Variants in CUBN observed in about 807,000 individuals in gnomAD.
CUBN encodes cubilin.
A neutral mutation model predicts 405.3 loss-of-function variants in CUBN; 282 were observed. The ratio of observed to expected loss-of-function variants is 0.70; its 90% CI spans 0.63 to 0.77. The LOEUF is 0.77. CUBN is among the 30% of genes least tolerant of loss of function. The pLI is 0.00. For missense variants in CUBN, 4,514 were observed against 4,475.2 expected (o/e 1.01, Z -0.25); for synonymous variants, 1,684 against 1,617.0 (o/e 1.04, Z -0.99).
At chr10:17,079,221 C>G (rs573312656) in intron 17 of CUBN, among the ~76,000 whole-genome samples, 6 of 144,636 alleles carry the variant, frequency 4.1e-5, no homozygotes, top group Non-Finnish European at 7.5e-5. Context: ...CCAATATGCT[C>G]AAGAATGCAA....
chr10:16,977,039 T>C (rs188068296), intron 31 of CUBN, among the ~76,000 whole-genome samples: 3 of 152,338 alleles, frequency 2.0e-5, no homozygotes, highest in African/African-American at 7.2e-5. Flanking sequence ...GTAACTTTAC[T>C]ATCTGGCATA....
chr10:16,997,599 T>C (rs1322605611), intron 28 of CUBN, among the ~76,000 whole-genome samples: 1 of 151,990 alleles, frequency 6.6e-6, no homozygotes, highest in African/African-American at 2.4e-5. Context: ...CTGGAGTGAG[T>C]ATACAGGCCT....
At chr10:16,847,969 A>G (rs1214704263) in intron 60 of CUBN, among the ~76,000 whole-genome samples, 3 of 152,252 alleles carry the variant, frequency 2.0e-5, no homozygotes, top group African/African-American at 7.2e-5. Context: ...TCCAAGCTCC[A>G]CATTCCAAGG....
intron 56 of CUBN, among the ~76,000 whole-genome samples, chr10:16,878,878 G>C (rs896377334): frequency 6.6e-6 from 1 of 152,202 alleles, no homozygotes; most frequent in Non-Finnish European, 1.5e-5. Flanking sequence ...CATCCATGTA[G>C]TAGCATGTGT....
chr10:16,950,004 G>A lies in CUBN; in HGVS notation c.5077C>T (p.Arg1693Ter), dbSNP rs769313368. 1.2e-5 allele frequency: 19 copies of A among 1,611,998 alleles called. 1 individual carries two copies. In the South Asian group the frequency reaches 1.4e-4, roughly 12 times the overall value. ...LDGGHEDAPL[R>*]GRYCGTDMPH... Reference sequence around the variant, plus strand: ...AGATGAGTGAACGCTGAGGTACCTCGGAGGGGCGCGTCTTCGTGGCCGCCA... The same window carrying A: ...AGATGAGTGAACGCTGAGGTACCTCAGAGGGGCGCGTCTTCGTGGCCGCCA... Residue 1693 changes from arginine to a stop codon, truncating the protein, a stop_gained, in exon 34 of 67, where the codon CGA becomes TGA. Transcript: ENST00000377833. LOFTEE classifies it high-confidence loss of function.
At chr10:17,125,283 G>A (rs145765044) in intron 4 of CUBN, among the ~76,000 whole-genome samples, 4,071 of 151,754 alleles carry the variant, frequency 0.027, 101 homozygotes, top group Admixed American at 0.051. Context: ...ACTATATACA[G>A]TGACTCATAA....
At chr10:16,951,250 G>C (rs570960813) in intron 33 of CUBN, among the ~76,000 whole-genome samples, 1 of 152,146 alleles carries the variant, frequency 6.6e-6, no homozygotes, top group Non-Finnish European at 1.5e-5. Flanking sequence ...CCACCTCCCC[G>C]TTTGAATTGG....
chr10:17,013,092 A>G (rs1402841622), intron 28 of CUBN, among the ~76,000 whole-genome samples: 1 of 152,186 alleles, frequency 6.6e-6, no homozygotes, highest in East Asian at 1.9e-4. Context: ...ACCTTCAATT[A>G]TCTATTATAG....
At chr10:17,012,484 G>C (rs1006816700) in intron 28 of CUBN, among the ~76,000 whole-genome samples, 7 of 152,200 alleles carry the variant, frequency 4.6e-5, no homozygotes, top group African/African-American at 1.7e-4. Flanking sequence ...CTGCCGAAGA[G>C]TCTATTTGGG....
Position 16,907,658 on chromosome 10 carries a change from T to TA in CUBN, c.7554dup (p.Asn2519Ter). On this transcript the variant is annotated frameshift_variant, in exon 49 of 67. Transcript: ENST00000377833. LOFTEE classifies it high-confidence loss of function. ...CACAGTTTCTCTAGCTGGGGTGAGT[T>TA]ACTTCTAATGCCATTGAATACCTGT... 1.2e-6 allele frequency: 2 copies of TA among 1,612,322 alleles called. No individual in the cohort carries two copies. The highest frequency in any genetic ancestry group is 1.7e-6 in the Non-Finnish European group (2 of 1,179,944).
At chr10:16,889,255 GAAC>G (rs72125443) in intron 55 of CUBN, among the ~76,000 whole-genome samples, 8,366 of 152,120 alleles carry the variant, frequency 0.055, 767 homozygotes, top group East Asian at 0.32. Flanking sequence ...CTTACACAGT[GAAC>G]CACCTGCAGA....
intron 4 of CUBN, among the ~76,000 whole-genome samples, chr10:17,126,245 A>T (rs1837180777): frequency 6.6e-6 from 1 of 152,236 alleles, no homozygotes; most frequent in Admixed American, 6.5e-5. Flanking sequence ...TAAGAAGCCT[A>T]AGTTTACATA....
At chr10:17,048,496 G>A (rs1265244025) in intron 22 of CUBN, among the ~76,000 whole-genome samples, 3 of 151,626 alleles carry the variant, frequency 2.0e-5, no homozygotes, top group Non-Finnish European at 4.4e-5. Context: ...TTTTGCTTTT[G>A]AGACAGGGTC....
intron 48 of CUBN, among the ~76,000 whole-genome samples, chr10:16,911,227 A>T (rs187660859): frequency 5.9e-5 from 9 of 152,364 alleles, no homozygotes; most frequent in Non-Finnish European, 1.3e-4. Context: ...ATTATTCCTT[A>T]GGAAAACAAA....
intron 22 of CUBN, among the ~76,000 whole-genome samples, chr10:17,053,743 T>G (rs1835324065): frequency 6.6e-6 from 1 of 152,106 alleles, no homozygotes; most frequent in Admixed American, 6.5e-5. Context: ...CAGAGAGCAC[T>G]ACACTTAATA....
chr10:16,959,232 A>G (rs914416522), intron 31 of CUBN, among the ~76,000 whole-genome samples: 5 of 152,200 alleles, frequency 3.3e-5, no homozygotes, highest in African/African-American at 1.2e-4. Context: ...TTGTCATTTT[A>G]TGAAATTTTG....
intron 31 of CUBN, among the ~76,000 whole-genome samples, chr10:16,972,203 G>A (rs2932909): frequency 0.85 from 128,825 of 151,986 alleles, 54,959 homozygotes; most frequent in Non-Finnish European, 0.9. Flanking sequence ...TGTTTCCCCA[G>A]GAGTTGGCTT....
intron 65 of CUBN, among the ~76,000 whole-genome samples, chr10:16,829,399 G>A (rs1838906509): frequency 6.6e-6 from 1 of 150,906 alleles, no homozygotes; most frequent in Non-Finnish European, 1.5e-5. Context: ...TCAAGTTGTT[G>A]TCTGTGTGCT....
At chr10:16,978,627 G>A (rs1282196843) in intron 31 of CUBN, among the ~76,000 whole-genome samples, 1 of 152,212 alleles carries the variant, frequency 6.6e-6, no homozygotes, top group African/African-American at 2.4e-5. Flanking sequence ...AAATTTGAAA[G>A]AAGCTAGCCA....
Sources: allele counts gnomAD v4.1 joint callset (sites outside exome capture counted in the v4.1 genomes callset), GRCh38; gene constraint gnomAD v4.1.1; transcripts MANE v1.5; gene names NCBI Gene and HGNC (gene_info 2026-07-23, HGNC 2026-07-21).